The following DLL4 variants were observed in gnomAD, a reference collection of about 807,000 sequenced individuals.
The protein encoded by DLL4 is delta-like protein 4.
In DLL4, 7 loss-of-function variants were observed where a neutral mutation model predicts 73.6. The observed-to-expected ratio is 0.10, with a 90% CI of 0.05 to 0.18. The LOEUF (loss-of-function observed/expected upper bound fraction) is 0.18, where lower values mean the gene tolerates loss of function less well. Among genes scored for constraint, DLL4 ranks in the 10% least tolerant of loss-of-function variants. The pLI is 1.00. For synonymous variants in DLL4, 345 were observed against 374.3 expected (o/e 0.92, Z 0.90); for missense variants, 614 against 929.9 (o/e 0.66, Z 4.42).
intron 4 of DLL4, 84 bp from the exon 5 acceptor site, chr15:40,932,087 G>A (rs1566878469): frequency 6.7e-7 from 1 of 1,499,934 alleles, no homozygotes; most frequent in East Asian, 2.3e-5. Flanking sequence ...GGAGAGCTAG[G>A]GGATCCCCAG....
chr15:40,932,501 G>A, intron 6 of DLL4, 54 bp downstream of exon 6: 2 of 1,602,156 alleles, frequency 1.2e-6, no homozygotes, highest in South Asian at 1.1e-5. Flanking sequence ...GGGGCTGGGG[G>A]GTGGAAATCC....
At chr15:40,932,073 C>A in intron 4 of DLL4, 98 bp from the exon 5 acceptor site, 2 of 1,409,964 alleles carry the variant, frequency 1.4e-6, no homozygotes, top group Non-Finnish European at 9.9e-7. Context: ...AGGAAGAGGG[C>A]CCAGGAGAGC....
intron 4 of DLL4, 123 bp from the exon 5 acceptor site, chr15:40,932,048 T>A (rs1892777907): frequency 1.7e-6 from 2 of 1,184,474 alleles, no homozygotes; most frequent in Non-Finnish European, 2.4e-6. Context: ...GGGGCTCCTC[T>A]GGGAGGCCAG....
chr15:40,936,850 C>T lies in DLL4; in HGVS notation c.1863C>T (p.Pro621=). The T allele has an allele frequency of 6.2e-7, 1 of 1,613,304 alleles. No homozygotes were observed. Among genetic ancestry groups the T allele is most frequent in the Non-Finnish European group, 8.5e-7 (1 of 1,179,854 alleles). The change falls in exon 9 of 11, where the codon CCC becomes CCT. Residue 621 remains proline (P), a synonymous_variant. Transcript: ENST00000249749. ...TGGACTATAATCTGGCCCCAGGGCC[C>T]CTGGGGCGGGGGACCATGCCAGGAA... ...HTLDYNLAPG[P]LGRGTMPGKF...
chr15:40,934,183 G>A (rs984544050), intron 6 of DLL4, among the ~76,000 whole-genome samples: 9 of 151,616 alleles, frequency 5.9e-5, no homozygotes, highest in Non-Finnish European at 1.0e-4. Flanking sequence ...AATATTAATC[G>A]GGCACAGTGG....
At chr15:40,933,131 G>C (rs575135309) in intron 6 of DLL4, among the ~76,000 whole-genome samples, 7 of 152,332 alleles carry the variant, frequency 4.6e-5, no homozygotes, top group Non-Finnish European at 8.8e-5. Flanking sequence ...CCATTTTCAG[G>C]ATCAAATGGG....
At chr15:40,935,607 C>T (rs1292834823) in intron 8 of DLL4, among the ~76,000 whole-genome samples, 1 of 152,134 alleles carries the variant, frequency 6.6e-6, no homozygotes, top group Admixed American at 6.5e-5. Flanking sequence ...TCCCAGGTGA[C>T]CCTCTGTGAG....
At position 40,937,612 on chromosome 15, in the gene DLL4, G is replaced by A. The variant is rs1892863844; in HGVS notation, c.2052+86G>A. 3 of 1,019,582 alleles carry A rather than the reference G, an allele frequency of 2.9e-6. No homozygotes were observed. The East Asian group carries it at 7.1e-5, about 24-fold the overall frequency. 63.2% of individuals were successfully genotyped at this position (1,019,582 alleles called of 1,614,324 possible). ...CTTGACCCATGGGCCATTCCTGAAGGGTAGGTCAGAACCCTGCCTTGGCAG... is the reference window on the plus strand; with the variant it reads ...CTTGACCCATGGGCCATTCCTGAAGAGTAGGTCAGAACCCTGCCTTGGCAG... On this transcript the variant is annotated intron_variant, in intron 10 of 10. Coordinates refer to ENST00000249749, the MANE Select transcript of DLL4 (RefSeq NM_019074.4).
rs889650035 is a variant in DLL4, at chr15:40,936,386, C to G, written c.1399C>G (p.Pro467Ala). The change falls in exon 9 of 11, where the codon CCT becomes GCT. Residue 467 changes from proline to alanine, a missense_variant. Around this residue, in one of 3 missense-constraint regions of DLL4, gnomAD observed 386 missense variants for 541.3 expected, o/e 0.71. Coordinates refer to ENST00000249749, the MANE Select transcript of DLL4 (RefSeq NM_019074.4). ...GGAGAATGGGCTCATGTGCACCTGCCCTGCCGGCTTCTCTGGCCGACGCTG... is the reference window on the plus strand; with the variant it reads ...GGAGAATGGGCTCATGTGCACCTGCGCTGCCGGCTTCTCTGGCCGACGCTG... ...DLENGLMCTC[P>A]AGFSGRRCEV... The G allele has an allele frequency of 1.2e-6, 2 of 1,611,758 alleles. No individual in the cohort carries two copies. Among genetic ancestry groups the G allele is most frequent in the Non-Finnish European group, 1.7e-6 (2 of 1,179,318 alleles).
chr15:40,937,008 G>C, intron 9 of DLL4, 78 bp downstream of exon 9: 1 of 1,274,994 alleles, frequency 7.8e-7, no homozygotes, highest in Non-Finnish European at 1.1e-6. Flanking sequence ...AGGCCAGGCG[G>C]GAAGCAGTTA....
rs868016643 is a variant in DLL4, at chr15:40,938,408, C to T, written c.*374C>T. On this transcript the variant is annotated 3_prime_UTR_variant, in exon 11 of 11. Coordinates refer to ENST00000249749, the MANE Select transcript of DLL4 (RefSeq NM_019074.4). ...AGCTGCTGTGGCCTCCACTGGCATC[C>T]GTGTTTCCAAAAGTGCCTTTGGCCC... The T allele has an allele frequency of 5.1e-6, 1 of 194,500 alleles. No homozygotes were observed. Among genetic ancestry groups the T allele is most frequent in the Admixed American group, 6.0e-5 (1 of 16,658 alleles). 12.0% of individuals were successfully genotyped at this position (194,500 alleles called of 1,614,324 possible).
rs1566879645 is a variant in DLL4 at position 40,936,585 on chromosome 15, C to T, written c.1598C>T (p.Ser533Leu). ...CCCAGCTTCCCCTGGGTGGCCGTCTCGCTGGGTGTGGGGCTGGCAGTGCTG... is the reference window on the plus strand; with the variant it reads ...CCCAGCTTCCCCTGGGTGGCCGTCTTGCTGGGTGTGGGGCTGGCAGTGCTG... ...LPPSFPWVAV[S>L]LGVGLAVLLV... The change falls in exon 9 of 11, where the codon TCG (serine) becomes TTG (leucine). Residue 533 changes from serine to leucine, a missense_variant. By Grantham distance (145) the Ser-to-Leu change is moderately radical. This residue lies in a region of DLL4 where 386 missense variants were observed against 541.3 expected (regional missense o/e 0.71). Transcript: ENST00000249749. 4.4e-6 allele frequency: 7 copies of T among 1,609,086 alleles called. No homozygotes were observed. Among genetic ancestry groups the T allele is most frequent in the South Asian group, 1.1e-5 (1 of 90,640 alleles).
chr15:40,934,751 G>A lies in DLL4; in HGVS notation c.1020+34G>A. 3 of 1,603,876 alleles carry A rather than the reference G, an allele frequency of 1.9e-6. 1 individual carries two copies. The highest frequency in any genetic ancestry group is 4.5e-5 in the East Asian group (2 of 44,676). Reference sequence around the variant, plus strand: ...CAGACCAGCGCAGGAAGACAGAGGTGTCAGGTGGTGTCTGGGCATCCCTAA... The same window carrying A: ...CAGACCAGCGCAGGAAGACAGAGGTATCAGGTGGTGTCTGGGCATCCCTAA... On this transcript the variant is annotated intron_variant, in intron 7 of 10. Coordinates refer to ENST00000249749, the MANE Select transcript of DLL4 (RefSeq NM_019074.4).
At position 40,936,544 on chromosome 15, in the gene DLL4, C is replaced by A. The variant is rs767238730; in HGVS notation, c.1557C>A (p.Phe519Leu). The A allele has an allele frequency of 3.7e-6, 6 of 1,610,498 alleles. No individual in the cohort carries two copies. The highest frequency in any genetic ancestry group is 4.2e-6 in the Non-Finnish European group (5 of 1,179,080). The change falls in exon 9 of 11, where the codon TTC (phenylalanine) becomes TTA (leucine). Residue 519 changes from phenylalanine to leucine, a missense_variant. By Grantham distance (22) the Phe-to-Leu change is conservative. Coordinates refer to ENST00000249749, the MANE Select transcript of DLL4 (RefSeq NM_019074.4). The stretch of plus-strand genomic sequence containing the variant: ...GCTTTGTGGGCAGCCGCTGCGAGTT[C>A]CCCGTGGGCTTGCCGCCCAGCTTCC... ...PYGFVGSRCE[F>L]PVGLPPSFPW...
In DLL4 at chr15:40,930,997, G is replaced by A. The variant is rs530969265; in HGVS notation, c.394+315G>A. On this transcript the variant is annotated intron_variant, in intron 3 of 10. Coordinates refer to ENST00000249749, the MANE Select transcript of DLL4 (RefSeq NM_019074.4). This position sits in a 1 kb window ranked among gnomAD's most constrained non-coding sequence, Gnocchi z 5.7. ...CGCGAATTCCGCTCCTTTGGAAAGG[G>A]AATAATGGCTTTGGGATGTTGTTCT... The A allele has an allele frequency of 4.0e-6, 2 of 499,132 alleles. No individual in the cohort carries two copies. The highest frequency in any genetic ancestry group is 7.1e-6 in the Non-Finnish European group (2 of 280,084). 30.9% of individuals were successfully genotyped at this position (499,132 alleles called of 1,614,324 possible). A position where few individuals can be genotyped will look rare whatever the true frequency, so the allele number is the denominator to read the frequency against.
Position 40,937,337 on chromosome 15 carries a change from GC to G in DLL4, c.1944-78del, listed in dbSNP as rs1426886660. 4.2e-6 allele frequency: 4 copies of G among 953,146 alleles called. No individual in the cohort carries two copies. The East Asian group carries it at 7.2e-5, about 17-fold the overall frequency. 59.0% of individuals were successfully genotyped at this position (953,146 alleles called of 1,614,324 possible). ...CTTCCCCAAGAACCACCCTGCAGAT[GC>G]CCTTTGGCTCTCCAGGGTCCTCCCT... On this transcript the variant is annotated intron_variant, in intron 9 of 10. Transcript: ENST00000249749.
At chr15:40,931,367 G>A in intron 3 of DLL4, 136 bp from the exon 4 acceptor site, 1 of 1,099,944 alleles carries the variant, frequency 9.1e-7, no homozygotes, top group East Asian at 2.6e-5. Flanking sequence ...TTGCTGGCAG[G>A]CGGGGGTCAT....
At position 40,936,950 on chromosome 15, in the gene DLL4, C is replaced by T. The variant is rs1476271746; in HGVS notation, c.1943+20C>T. On this transcript the variant is annotated intron_variant, in intron 9 of 10. Coordinates refer to ENST00000249749, the MANE Select transcript of DLL4 (RefSeq NM_019074.4). The stretch of plus-strand genomic sequence containing the variant: ...ACACAGGTGAGTGGCACCCAGAAGC[C>T]CAGGGCCTGGCCACCGGCCCCGACA... 8 of 1,552,292 alleles carry T rather than the reference C, an allele frequency of 5.2e-6. No homozygotes were observed. The highest frequency in any genetic ancestry group is 6.9e-6 in the Non-Finnish European group (8 of 1,151,326).
intron 6 of DLL4, 67 bp downstream of exon 6, chr15:40,932,514 T>C: frequency 6.3e-7 from 1 of 1,582,716 alleles, no homozygotes; most frequent in Non-Finnish European, 8.6e-7. Flanking sequence ...GGAAATCCGA[T>C]TCGTCACCTG....
Sources: allele counts gnomAD v4.1 joint callset (sites outside exome capture counted in the v4.1 genomes callset), GRCh38; gene constraint gnomAD v4.1.1; regional missense constraint gnomAD v4.1.1; non-coding constraint Gnocchi (gnomAD v3.1); transcripts MANE v1.5; gene names NCBI Gene and HGNC (gene_info 2026-07-23, HGNC 2026-07-21).